The following IFIH1 variants were observed in gnomAD, a reference collection of about 807,000 sequenced individuals.
The protein encoded by IFIH1 is interferon induced with helicase C domain 1, also known as interferon-induced helicase C domain-containing protein 1.
IFIH1 carries 125 observed loss-of-function variants against 107.4 expected under a neutral mutation model. That is an observed-to-expected ratio of 1.16 (90% CI 1.01 to 1.35). IFIH1 has a LOEUF of 1.35. Ranked by LOEUF, IFIH1 falls within the 40% of genes most tolerant of loss-of-function variation. IFIH1 has a pLI of 0.00. For synonymous variants in IFIH1, 458 were observed against 413.2 expected, an observed-to-expected ratio of 1.11 and a Z score of -1.31; for missense variants, 1,333 against 1,213.7, an observed-to-expected ratio of 1.10 and a Z score of -1.46.
chr2:162,288,365 G>A lies in IFIH1; in HGVS notation c.875-10C>T. 6.2e-7 allele frequency: 1 copy of A among 1,601,948 alleles called. No homozygotes were observed. Among genetic ancestry groups the A allele is most frequent in the South Asian group, 1.1e-5 (1 of 90,654 alleles). On this transcript the variant is annotated splice_polypyrimidine_tract_variant and intron_variant, in intron 4 of 15. Transcript: ENST00000649979. ...GCCACATTCTCTTCATCTGAAGAAG[G>A]TTGAAAAGAAAAATAAGAGAAGGGA...
intron 4 of IFIH1, among the ~76,000 whole-genome samples, chr2:162,290,478 T>C (rs1682977999): frequency 6.6e-6 from 1 of 151,862 alleles, no homozygotes; most frequent in African/African-American, 2.4e-5. Flanking sequence ...GACTATTGTG[T>C]TTACAATTTA....
chr2:162,305,976 T>C (rs1683274557), intron 3 of IFIH1, among the ~76,000 whole-genome samples: 1 of 152,172 alleles, frequency 6.6e-6, no homozygotes, highest in African/African-American at 2.4e-5. Flanking sequence ...GACTAGCAAA[T>C]GCTACAAACT....
Position 162,318,262 on chromosome 2 carries a change from A to G in IFIH1, c.46T>C (p.Ser16Pro). The G allele has an allele frequency of 1.2e-6, 2 of 1,614,060 alleles. No individual in the cohort carries two copies. Among genetic ancestry groups the G allele is most frequent in the Non-Finnish European group, 1.7e-6 (2 of 1,179,962 alleles). ...STDENFRYLI[S>P]CFRARVKMYI... ...ATTTTCACCCTGGCCCTGAAGCACG[A>G]GATGAGATAGCGGAAATTCTCGTCT... Residue 16 changes from serine (S) to proline (P), a missense_variant, in exon 1 of 16, where the codon TCG becomes CCG. By Grantham distance (74) the Ser-to-Pro change is moderately conservative. Coordinates refer to ENST00000649979, the MANE Select transcript of IFIH1 (RefSeq NM_022168.4).
chr2:162,296,837 G>A (rs1403636695), intron 3 of IFIH1, among the ~76,000 whole-genome samples: 1 of 152,004 alleles, frequency 6.6e-6, no homozygotes, highest in African/African-American at 2.4e-5. Context: ...CAAATAAAAA[G>A]AACACCTCTG....
chr2:162,308,145 C>T (rs534157500), intron 2 of IFIH1, among the ~76,000 whole-genome samples: 30 of 152,266 alleles, frequency 2.0e-4, no homozygotes, highest in African/African-American at 6.5e-4. Context: ...GTGGCTGAAA[C>T]AACAGACACT....
At chr2:162,273,687 G>T in intron 12 of IFIH1, 108 bp downstream of exon 12, 1 of 865,120 alleles carries the variant, frequency 1.2e-6, no homozygotes, top group Non-Finnish European at 1.8e-6. Context: ...AAAAGGCTTT[G>T]TTTTAAAAAC....
rs1041813114 is a variant in IFIH1 at position 162,267,672 on chromosome 2, T to G, written c.2808-103A>C. 5 of 830,590 alleles carry G rather than the reference T, an allele frequency of 6.0e-6. 1 individual carries two copies. Among genetic ancestry groups the G allele is most frequent in the Admixed American group, 4.0e-5 (2 of 49,778 alleles). 51.5% of individuals were successfully genotyped at this position (830,590 alleles called of 1,614,324 possible). On this transcript the variant is annotated intron_variant, in intron 14 of 15. Transcript: ENST00000649979. ...GGAGCTCATCCGCATGCCTGCGGTA[T>G]TCTACACGGCATTCCTTCCTTCCCT...
At chr2:162,272,868 A>G (rs1171777524) in intron 12 of IFIH1, among the ~76,000 whole-genome samples, 5 of 152,168 alleles carry the variant, frequency 3.3e-5, no homozygotes, top group Non-Finnish European at 2.9e-5. Flanking sequence ...CATATTTAAC[A>G]TGGTGATAAC....
Position 162,267,288 on chromosome 2 carries a change from T to C in IFIH1, c.2990A>G (p.Lys997Arg). 6.2e-7 allele frequency: 1 copy of C among 1,612,518 alleles called. No individual in the cohort carries two copies. Among genetic ancestry groups the C allele is most frequent in the Non-Finnish European group, 8.5e-7 (1 of 1,179,566 alleles). Residue 997 changes from lysine (K) to arginine (R), a missense_variant, in exon 16 of 16, where the codon AAG (lysine) becomes AGG (arginine). By Grantham distance (26) the Lys-to-Arg change is conservative. Coordinates refer to ENST00000649979, the MANE Select transcript of IFIH1 (RefSeq NM_022168.4). ...TTCTACCCACTTTTTGTATTGTTTC[T>C]TTGTTGAATTATTTTTGAAAACCAC... ...FVVVFKNNST[K>R]KQYKKWVELP...
rs1238832404 is a variant in IFIH1, at chr2:162,272,371, C to A, written c.2471G>T (p.Arg824Ile). 1.2e-6 allele frequency: 2 copies of A among 1,612,788 alleles called. No individual in the cohort carries two copies. Among genetic ancestry groups the A allele is most frequent in the East Asian group, 2.2e-5 (1 of 44,856 alleles). ...CAGGACGTAGGTGCTCTCATCAGCT[C>A]TGGCTCGACCACGGGCCTGAAAACA... ...IAMVQARGRA[R>I]ADESTYVLVA... The change falls in exon 13 of 16, where the codon AGA becomes ATA. Residue 824 changes from arginine to isoleucine, a missense_variant. Transcript: ENST00000649979.
chr2:162,301,881 G>T lies in IFIH1; in HGVS notation c.769+4828C>A, dbSNP rs181983233. Among the ~76,000 whole-genome samples the T allele has an allele frequency of 3.1e-3, 473 of 152,238 alleles. 6 individuals carry two copies. Among genetic ancestry groups the T allele is most frequent in the African/African-American group, 0.011 (451 of 41,540 alleles). On this transcript the variant is annotated intron_variant, in intron 3 of 15. Coordinates refer to ENST00000649979, the MANE Select transcript of IFIH1 (RefSeq NM_022168.4). ...GAACTATAGCATCCAGCATTAAATT[G>T]CCATTAATAGTCTGAGAACTGTTCA...
At chr2:162,316,450 T>A (rs918175884) in intron 1 of IFIH1, among the ~76,000 whole-genome samples, 4 of 152,194 alleles carry the variant, frequency 2.6e-5, no homozygotes, top group Non-Finnish European at 5.9e-5. Flanking sequence ...CAGACAACAG[T>A]GCAAAGTAAT....
intron 7 of IFIH1, 65 bp downstream of exon 7, chr2:162,281,263 A>C (rs1682801988): frequency 1.6e-6 from 2 of 1,263,834 alleles, no homozygotes; most frequent in South Asian, 2.6e-5. Context: ...ATTTAATAAG[A>C]CCAAGAAGTC....
chr2:162,295,591 A>G (rs1277676519), intron 3 of IFIH1, among the ~76,000 whole-genome samples: 1 of 152,076 alleles, frequency 6.6e-6, no homozygotes, highest in Non-Finnish European at 1.5e-5. Flanking sequence ...CTGTTTAAGT[A>G]TATTAGCACA....
At chr2:162,288,444 T>G in intron 4 of IFIH1, 89 bp from the exon 5 acceptor site, 12 of 836,044 alleles carry the variant, frequency 1.4e-5, no homozygotes, top group Non-Finnish European at 2.3e-5. Context: ...CCTCTTGTGC[T>G]TTAAACTCCT....
chr2:162,279,899 A>G, intron 8 of IFIH1, 97 bp downstream of exon 8: 1 of 755,426 alleles, frequency 1.3e-6, no homozygotes, highest in South Asian at 1.6e-5. Flanking sequence ...AAATTTTTAA[A>G]TAATATTTTT....
chr2:162,274,739 T>C (rs1176432131), intron 11 of IFIH1, among the ~76,000 whole-genome samples: 3 of 152,198 alleles, frequency 2.0e-5, no homozygotes, highest in Non-Finnish European at 2.9e-5. Flanking sequence ...TAGCTTGATA[T>C]GGACAATGTG....
intron 3 of IFIH1, among the ~76,000 whole-genome samples, chr2:162,296,240 C>T (rs1362487092): frequency 1.3e-5 from 2 of 151,924 alleles, no homozygotes; most frequent in East Asian, 1.9e-4. Flanking sequence ...GCAATGTGCA[C>T]GAATAATTGA....
At chr2:162,285,730 G>T (rs1576228529) in intron 5 of IFIH1, among the ~76,000 whole-genome samples, 2 of 152,080 alleles carry the variant, frequency 1.3e-5, no homozygotes, top group East Asian at 3.9e-4. Flanking sequence ...TGCAATGAAA[G>T]ATTCCTGGCT....
Sources: gnomAD v4.1 joint callset for allele counts (sites outside exome capture counted in the v4.1 genomes callset) on GRCh38, gnomAD v4.1.1 for gene constraint, MANE v1.5 for transcripts, NCBI Gene and HGNC (gene_info 2026-07-23, HGNC 2026-07-21) for gene names.